FANK1: variants seen among roughly 807,000 people sequenced by gnomAD.
The protein encoded by FANK1 is fibronectin type III and ankyrin repeat domains 1.
A neutral mutation model predicts 45.3 loss-of-function variants in FANK1; 44 were observed. The observed-to-expected ratio is 0.97, with a 90% CI of 0.76 to 1.25. FANK1 has a LOEUF of 1.25. FANK1 is among the 50% of genes most tolerant of loss of function. The pLI is 0.00. For synonymous variants in FANK1, 149 were observed against 152.5 expected (o/e 0.98, Z 0.17); for missense variants, 391 against 424.4 (o/e 0.92, Z 0.69).
chr10:125,903,500 C>G (rs921813848), intron 1 of FANK1, among the ~76,000 whole-genome samples: 2 of 152,238 alleles, frequency 1.3e-5, no homozygotes, highest in Non-Finnish European at 2.9e-5. Flanking sequence ...GGAAGGTGCT[C>G]TCATCCCCAC....
intron 7 of FANK1, among the ~76,000 whole-genome samples, 173 bp from the exon 8 acceptor site, chr10:126,008,233 TG>T (rs1246713047): frequency 4.6e-5 from 7 of 152,184 alleles, no homozygotes; most frequent in Non-Finnish European, 1.0e-4. Context: ...GGGGAGACCC[TG>T]GGGCCTCTCA....
chr10:125,957,315 C>T (rs1051290929), intron 1 of FANK1, among the ~76,000 whole-genome samples: 2 of 151,966 alleles, frequency 1.3e-5, no homozygotes, highest in Non-Finnish European at 2.9e-5. Context: ...CCTCACAAAA[C>T]GTTGTTATTT....
intron 1 of FANK1, among the ~76,000 whole-genome samples, chr10:125,934,969 TC>T (rs916684010): frequency 1.3e-5 from 2 of 151,982 alleles, no homozygotes; most frequent in African/African-American, 4.8e-5. Flanking sequence ...TGCTGTTTCT[TC>T]CCCAGGTCTG....
chr10:125,930,854 T>C (rs1199942641), intron 1 of FANK1, among the ~76,000 whole-genome samples: 1 of 152,170 alleles, frequency 6.6e-6, no homozygotes, highest in Non-Finnish European at 1.5e-5. Flanking sequence ...TGTAATATTT[T>C]ATTCCTTGCC....
At chr10:125,905,039 G>A (rs1403290391) in intron 1 of FANK1, among the ~76,000 whole-genome samples, 2 of 150,888 alleles carry the variant, frequency 1.3e-5, no homozygotes, top group African/African-American at 4.9e-5. Flanking sequence ...GCTGAGACAG[G>A]AGAATGGTGT....
At chr10:125,970,422 C>T (rs1437955760) in intron 1 of FANK1, among the ~76,000 whole-genome samples, 4 of 151,968 alleles carry the variant, frequency 2.6e-5, no homozygotes, top group African/African-American at 7.3e-5. Flanking sequence ...ACTTCCTAGA[C>T]GGGGTGGTGG....
Position 126,008,549 on chromosome 10 carries a change from T to C in FANK1, c.848T>C (p.Met283Thr). 2 of 1,605,010 alleles carry C rather than the reference T, an allele frequency of 1.2e-6. No individual in the cohort carries two copies. Among genetic ancestry groups the C allele is most frequent in the Middle Eastern group, 1.7e-4 (1 of 5,982 alleles). Residue 283 changes from methionine (M) to threonine (T), a missense_variant and splice_region_variant, in exon 8 of 11, where the codon ATG becomes ACG. Physicochemically the swap from Met to Thr is moderately conservative, Grantham distance 81. Coordinates refer to ENST00000368693, the MANE Select transcript of FANK1 (RefSeq NM_145235.5). ...GACAGAAATGGAAAGACGCCCCTTA[T>C]GGTAGGTCCTCCTCCCGAAAATAGG... ...VKDRNGKTPLMVAVLNNHEEL... is the reference protein window; with the variant it reads ...VKDRNGKTPLTVAVLNNHEEL...
intron 1 of FANK1, among the ~76,000 whole-genome samples, chr10:125,919,315 C>T (rs1160358985): frequency 6.9e-6 from 1 of 144,620 alleles, no homozygotes; most frequent in Non-Finnish European, 1.5e-5. Context: ...AAGCAATTCT[C>T]CTGCCTCAGC....
intron 1 of FANK1, among the ~76,000 whole-genome samples, chr10:125,914,273 T>C (rs1374422425): frequency 1.2e-5 from 1 of 83,546 alleles, no homozygotes; most frequent in East Asian, 2.7e-4. Context: ...TCAGCATCTT[T>C]GTATGCCATA....
intron 1 of FANK1, among the ~76,000 whole-genome samples, chr10:125,903,909 G>A (rs1353428520): frequency 6.6e-6 from 1 of 152,048 alleles, no homozygotes; most frequent in African/African-American, 2.4e-5. Flanking sequence ...GAGTGCAGTG[G>A]CACAAGCTAG....
chr10:125,901,770 C>T (rs75245187), intron 1 of FANK1, among the ~76,000 whole-genome samples: 1 of 152,180 alleles, frequency 6.6e-6, no homozygotes, highest in Non-Finnish European at 1.5e-5. Context: ...TGATGTTATT[C>T]TATCTCTGCG....
rs572994759 is a variant in FANK1, at chr10:125,970,633, C to T, written c.14-9528C>T. Reference sequence around the variant, plus strand: ...CTGGAGACCAGCCGGGCCAACACGGCGAAACCCCTTCTCCACCAAAAAATA... The same window carrying T: ...CTGGAGACCAGCCGGGCCAACACGGTGAAACCCCTTCTCCACCAAAAAATA... On this transcript the variant is annotated intron_variant, in intron 1 of 10. Transcript: ENST00000368693. Among the ~76,000 whole-genome samples, 13 of 152,264 alleles carry T rather than the reference C, an allele frequency of 8.5e-5. No individual in the cohort carries two copies. The East Asian group carries it at 1.6e-3, about 18-fold the overall frequency.
At chr10:125,919,181 T>G (rs1946736808) in intron 1 of FANK1, among the ~76,000 whole-genome samples, 1 of 146,778 alleles carries the variant, frequency 6.8e-6, no homozygotes. Flanking sequence ...GTAAAATACT[T>G]CCAGGAGGTA....
intron 1 of FANK1, among the ~76,000 whole-genome samples, chr10:125,905,481 TG>T (rs1323188800): frequency 1.3e-5 from 2 of 151,406 alleles, no homozygotes; most frequent in African/African-American, 4.9e-5. Flanking sequence ...TGGTAAGTTG[TG>T]TTTTTCAAAC....
chr10:125,942,007 G>T (rs941835820), intron 1 of FANK1, among the ~76,000 whole-genome samples: 1 of 152,186 alleles, frequency 6.6e-6, no homozygotes, highest in Admixed American at 6.5e-5. Flanking sequence ...CCTTCAGATG[G>T]GGGCTGGTTC....
chr10:125,981,885 A>G (rs985017864), intron 2 of FANK1, among the ~76,000 whole-genome samples: 5 of 152,200 alleles, frequency 3.3e-5, no homozygotes, highest in Non-Finnish European at 5.9e-5. Context: ...AGATATGTTT[A>G]TGTGTATGTG....
At chr10:125,989,331 T>A in intron 3 of FANK1, 1 of 1,551,192 alleles carries the variant, frequency 6.4e-7, no homozygotes, top group Non-Finnish European at 8.7e-7. Context: ...ACAAGTGTTC[T>A]CCACGGCCCA....
At chr10:125,932,688 C>T (rs758574552) in intron 1 of FANK1, among the ~76,000 whole-genome samples, 16 of 152,034 alleles carry the variant, frequency 1.1e-4, no homozygotes, top group East Asian at 7.7e-4. Flanking sequence ...TCCTCTTTAC[C>T]GATTTGGATG....
intron 6 of FANK1, among the ~76,000 whole-genome samples, chr10:125,997,929 G>A (rs1952469609): frequency 6.6e-6 from 1 of 152,234 alleles, no homozygotes; most frequent in Non-Finnish European, 1.5e-5. Context: ...CCACAAGAGA[G>A]ACACCAAGAG....
Sources: gnomAD v4.1 joint callset for allele counts (sites outside exome capture counted in the v4.1 genomes callset) on GRCh38, gnomAD v4.1.1 for gene constraint, MANE v1.5 for transcripts, NCBI Gene and HGNC (gene_info 2026-07-23, HGNC 2026-07-21) for gene names.